AKAP6: variants seen among roughly 807,000 people sequenced by gnomAD.
AKAP6 encodes A-kinase anchor protein 6.
In AKAP6, 58 loss-of-function variants were observed where a neutral mutation model predicts 188.5. The ratio of observed to expected loss-of-function variants is 0.31; its 90% CI spans 0.25 to 0.38. AKAP6 has a LOEUF of 0.38. Among genes scored for constraint, AKAP6 ranks in the 10% least tolerant of loss-of-function variants. The pLI is 1.00. For synonymous variants in AKAP6, 989 were observed against 998.6 expected (o/e 0.99, Z 0.18); for missense variants, 2,710 against 2,740.0 (o/e 0.99, Z 0.24).
intron 7 of AKAP6, among the ~76,000 whole-genome samples, chr14:32,665,686 C>T (rs1341703315): frequency 6.6e-6 from 1 of 152,112 alleles, no homozygotes; most frequent in Non-Finnish European, 1.5e-5. Flanking sequence ...CATTAGAGTC[C>T]TGCTTTAGGG....
At chr14:32,727,620 A>G (rs1480560837) in intron 9 of AKAP6, among the ~76,000 whole-genome samples, 1 of 152,198 alleles carries the variant, frequency 6.6e-6, no homozygotes, top group Non-Finnish European at 1.5e-5. Flanking sequence ...AGAGGGGGAA[A>G]ACTCAATTCT....
chr14:32,450,480 C>A (rs914352023), intron 2 of AKAP6, among the ~76,000 whole-genome samples: 9 of 152,012 alleles, frequency 5.9e-5, no homozygotes, highest in African/African-American at 2.2e-4. Flanking sequence ...CTGCAAGGGG[C>A]AGGGCATATT....
intron 5 of AKAP6, among the ~76,000 whole-genome samples, chr14:32,597,808 T>C (rs1043608035): frequency 6.6e-6 from 1 of 152,320 alleles, no homozygotes; most frequent in African/African-American, 2.4e-5. Context: ...TAATAACTTA[T>C]AATTCTTATC....
intron 10 of AKAP6, 195 bp downstream of exon 10, chr14:32,732,795 T>G: frequency 3.1e-6 from 2 of 654,244 alleles, no homozygotes; most frequent in South Asian, 2.0e-5. Context: ...TTTTCTGAGC[T>G]TGTCCCCTCT....
At chr14:32,754,037 T>C (rs757217573) in intron 11 of AKAP6, among the ~76,000 whole-genome samples, 1 of 152,068 alleles carries the variant, frequency 6.6e-6, no homozygotes, top group African/African-American at 2.4e-5. Context: ...AATTTTATAA[T>C]TATTTTTTCT....
intron 1 of AKAP6, among the ~76,000 whole-genome samples, chr14:32,391,588 G>A (rs181545471): frequency 6.9e-4 from 105 of 152,290 alleles, no homozygotes; most frequent in African/African-American, 2.4e-3. Flanking sequence ...CTGGTTGGGC[G>A]GTTTCTCATG....
intron 2 of AKAP6, among the ~76,000 whole-genome samples, chr14:32,499,499 A>C (rs1451266694): frequency 6.6e-6 from 1 of 151,898 alleles, no homozygotes; most frequent in African/African-American, 2.4e-5. Flanking sequence ...ATGATGTTTG[A>C]TTTTAGTCTT....
chr14:32,640,637 C>G lies in AKAP6; in HGVS notation c.2731-37674C>G, dbSNP rs557290729. Among the ~76,000 whole-genome samples the G allele has an allele frequency of 2.0e-5, 3 of 152,262 alleles. No homozygotes were observed. In the South Asian group the frequency reaches 6.2e-4, roughly 32 times the overall value. On this transcript the variant is annotated intron_variant, in intron 7 of 13. Coordinates refer to ENST00000280979, the MANE Select transcript of AKAP6 (RefSeq NM_004274.5). ...CACATTGTAAATAGAGACCAACTTG[C>G]TCTTGCCTGTGCTCACATTAGCCCT...
Position 32,823,078 on chromosome 14 carries a change from G to T in AKAP6, c.5265G>T (p.Leu1755=). 1.2e-6 allele frequency: 2 copies of T among 1,613,768 alleles called. No individual in the cohort carries two copies. The highest frequency in any genetic ancestry group is 1.7e-6 in the Non-Finnish European group (2 of 1,179,882). Residue 1755 remains leucine (L), a synonymous_variant, in exon 13 of 14, where the codon CTG becomes CTT. Transcript: ENST00000280979. ...ACTDDEDDSD[L]LSSSTLTLTE... is the part of the protein sequence containing the mutation. The stretch of plus-strand genomic sequence containing the variant: ...CTGATGATGAAGATGACAGCGACCT[G>T]CTCTCCAGCTCTACCCTTACCTTGA...
At chr14:32,771,826 C>T (rs552793594) in intron 11 of AKAP6, among the ~76,000 whole-genome samples, 1 of 152,270 alleles carries the variant, frequency 6.6e-6, no homozygotes, top group South Asian at 2.1e-4. Flanking sequence ...TTTGATTTTT[C>T]TAGGCCTTTA....
At chr14:32,561,453 TGA>T (rs1184732886) in intron 4 of AKAP6, among the ~76,000 whole-genome samples, 1 of 152,242 alleles carries the variant, frequency 6.6e-6, no homozygotes, top group Admixed American at 6.5e-5. Flanking sequence ...TGAAATTTTA[TGA>T]GAGACTAACT....
rs3784185 is a variant in AKAP6, at chr14:32,413,876, A to G, written c.-34-19584A>G. Among the ~76,000 whole-genome samples the G allele has an allele frequency of 2.1e-4, 32 of 151,844 alleles. No homozygotes were observed. In the East Asian group the frequency reaches 6.0e-3, roughly 28 times the overall value. ...AGGCTTCTGTACAGGATCAAAGGTAAAAGCTATACACTGAGTACAAAAGAG... is the reference window on the plus strand; with the variant it reads ...AGGCTTCTGTACAGGATCAAAGGTAGAAGCTATACACTGAGTACAAAAGAG... On this transcript the variant is annotated intron_variant, in intron 1 of 13. Coordinates refer to ENST00000280979, the MANE Select transcript of AKAP6 (RefSeq NM_004274.5).
At chr14:32,638,976 A>C (rs1459533503) in intron 7 of AKAP6, among the ~76,000 whole-genome samples, 1 of 152,078 alleles carries the variant, frequency 6.6e-6, no homozygotes, top group Admixed American at 6.6e-5. Flanking sequence ...TTTTAGTGGG[A>C]ATTTTGGTTC....
chr14:32,694,984 G>A (rs1890344013), intron 8 of AKAP6, among the ~76,000 whole-genome samples: 1 of 152,142 alleles, frequency 6.6e-6, no homozygotes, highest in Non-Finnish European at 1.5e-5. Context: ...ATTTTGAGGG[G>A]TAAAGGACAA....
At chr14:32,684,683 C>T (rs530840950) in intron 8 of AKAP6, among the ~76,000 whole-genome samples, 1 of 151,030 alleles carries the variant, frequency 6.6e-6, no homozygotes, top group Admixed American at 6.6e-5. Flanking sequence ...GACATTTAAC[C>T]TCACCAAGAT....
chr14:32,481,983 A>G (rs1213320903), intron 2 of AKAP6, among the ~76,000 whole-genome samples: 1 of 149,478 alleles, frequency 6.7e-6, no homozygotes, highest in Non-Finnish European at 1.5e-5. Context: ...CCTTTGTTCC[A>G]TCTTGGAACA....
intron 8 of AKAP6, among the ~76,000 whole-genome samples, chr14:32,687,222 A>G (rs760080231): frequency 2.6e-5 from 4 of 152,194 alleles, no homozygotes; most frequent in Non-Finnish European, 4.4e-5. Context: ...ACGATTTAAA[A>G]TATCACTTGA....
At chr14:32,397,672 A>G (rs896277632) in intron 1 of AKAP6, among the ~76,000 whole-genome samples, 1 of 152,216 alleles carries the variant, frequency 6.6e-6, no homozygotes. Context: ...ATGCAGAATT[A>G]ACTCACTGGA....
At chr14:32,343,573 C>A (rs547826082) in intron 1 of AKAP6, among the ~76,000 whole-genome samples, 31 of 151,560 alleles carry the variant, frequency 2.0e-4, no homozygotes, top group African/African-American at 7.3e-4. Context: ...ACCGTGAAAC[C>A]CCATCTCTAC....
Sources: gnomAD v4.1 joint callset for allele counts (sites outside exome capture counted in the v4.1 genomes callset) on GRCh38, gnomAD v4.1.1 for gene constraint, MANE v1.5 for transcripts, NCBI Gene and HGNC (gene_info 2026-07-23, HGNC 2026-07-21) for gene names.